UNC5C: variants seen among roughly 807,000 people sequenced by gnomAD.
UNC5C encodes unc-5 netrin receptor C.
Under a neutral mutation model 99.8 loss-of-function variants are expected in UNC5C, and 47 were observed. The observed-to-expected ratio is 0.47, with a 90% CI of 0.37 to 0.60. UNC5C has a LOEUF of 0.60. UNC5C is among the 20% of genes least tolerant of loss of function. UNC5C has a pLI of 0.00. For missense variants in UNC5C, 1,062 were observed against 1,165.9 expected, an observed-to-expected ratio of 0.91 and a Z score of 1.30; for synonymous variants, 487 against 452.2, an observed-to-expected ratio of 1.08 and a Z score of -0.98.
intron 10 of UNC5C, 159 bp downstream of exon 10, chr4:95,215,965 A>G (rs1738233987): frequency 1.9e-6 from 1 of 526,390 alleles, no homozygotes. Context: ...AAAGACAAAG[A>G]GAAGTAAAAC....
chr4:95,301,864 C>T, intron 2 of UNC5C, 115 bp from the exon 3 acceptor site: 1 of 1,288,716 alleles, frequency 7.8e-7, no homozygotes, highest in Non-Finnish European at 1.1e-6. Context: ...GATCAACAAC[C>T]CAGATATTGT....
chr4:95,215,059 A>C (rs1233983477), intron 10 of UNC5C, among the ~76,000 whole-genome samples: 1 of 152,216 alleles, frequency 6.6e-6, no homozygotes, highest in East Asian at 1.9e-4. Context: ...CGAGGAAAAA[A>C]ATGTTCTGGG....
intron 1 of UNC5C, among the ~76,000 whole-genome samples, chr4:95,345,247 G>A (rs1170765688): frequency 6.6e-6 from 1 of 151,878 alleles, no homozygotes; most frequent in African/African-American, 2.4e-5. Context: ...TATATAAAGA[G>A]AGAGAGAAAG....
At chr4:95,541,593 A>G (rs903233561) in intron 1 of UNC5C, among the ~76,000 whole-genome samples, 16 of 152,158 alleles carry the variant, frequency 1.1e-4, no homozygotes, top group Non-Finnish European at 1.5e-4. Context: ...GATCACTTTT[A>G]TCTACAAATG....
chr4:95,316,761 C>T (rs1328691296), intron 2 of UNC5C, among the ~76,000 whole-genome samples: 1 of 151,920 alleles, frequency 6.6e-6, no homozygotes, highest in East Asian at 1.9e-4. Flanking sequence ...ATTTTTGTCC[C>T]CTGTACATAT....
intron 1 of UNC5C, among the ~76,000 whole-genome samples, chr4:95,421,066 C>A (rs1382036710): frequency 2.0e-5 from 3 of 152,094 alleles, no homozygotes; most frequent in African/African-American, 7.2e-5. Context: ...GCAAATAGGA[C>A]CAAGACTTCT....
chr4:95,379,736 G>A (rs1579370740), intron 1 of UNC5C, among the ~76,000 whole-genome samples: 1 of 152,166 alleles, frequency 6.6e-6, no homozygotes, highest in South Asian at 2.1e-4. Flanking sequence ...AGTTTCACAT[G>A]GTGGTAGATC....
chr4:95,401,250 G>A (rs1745687843), intron 1 of UNC5C, among the ~76,000 whole-genome samples: 1 of 152,110 alleles, frequency 6.6e-6, no homozygotes, highest in Admixed American at 6.6e-5. Context: ...TTAAAGCTGT[G>A]AGCAAAACAT....
chr4:95,454,387 T>C (rs542808244), intron 1 of UNC5C, among the ~76,000 whole-genome samples: 1 of 152,214 alleles, frequency 6.6e-6, no homozygotes, highest in South Asian at 2.1e-4. Flanking sequence ...TTGATTTAAC[T>C]AGATACCTAG....
intron 1 of UNC5C, among the ~76,000 whole-genome samples, chr4:95,539,485 A>C (rs1177116424): frequency 6.6e-6 from 1 of 152,250 alleles, no homozygotes; most frequent in Non-Finnish European, 1.5e-5. Flanking sequence ...TTCAGAAATC[A>C]GTGATTAAAT....
intron 7 of UNC5C, among the ~76,000 whole-genome samples, 198 bp from the exon 8 acceptor site, chr4:95,220,374 T>A (rs1420854188): frequency 6.6e-6 from 1 of 152,198 alleles, no homozygotes; most frequent in Non-Finnish European, 1.5e-5. Flanking sequence ...TCACTCTGCA[T>A]CTATCCACCC....
Position 95,501,442 on chromosome 4 carries a change from C to T in UNC5C, c.124+47292G>A, listed in dbSNP as rs544131444. ...TGCTTTTTAAGGAGGCTAACAATGT[C>T]CATTTGCAACATATTTTTTGTTACT... On this transcript the variant is annotated intron_variant, in intron 1 of 15. Transcript: ENST00000453304. 3.9e-5 allele frequency among the ~76,000 whole-genome samples: 6 copies of T among 152,140 alleles called. No individual in the cohort carries two copies. In the East Asian group the frequency reaches 1.2e-3, roughly 29 times the overall value.
intron 12 of UNC5C, among the ~76,000 whole-genome samples, chr4:95,199,209 G>T (rs1441572596): frequency 6.6e-6 from 1 of 152,144 alleles, no homozygotes. Flanking sequence ...GAGAGAGTAT[G>T]TTGGGAACAT....
At chr4:95,495,929 A>C (rs1321991648) in intron 1 of UNC5C, among the ~76,000 whole-genome samples, 1 of 151,856 alleles carries the variant, frequency 6.6e-6, no homozygotes. Flanking sequence ...ATGGAGAAAT[A>C]GAAATTATTC....
At chr4:95,405,079 T>C (rs1034260222) in intron 1 of UNC5C, among the ~76,000 whole-genome samples, 3 of 152,180 alleles carry the variant, frequency 2.0e-5, no homozygotes, top group African/African-American at 7.2e-5. Context: ...ACCCGAATCT[T>C]CCGGGATGCT....
At chr4:95,419,750 T>G (rs1283702163) in intron 1 of UNC5C, among the ~76,000 whole-genome samples, 1 of 152,154 alleles carries the variant, frequency 6.6e-6, no homozygotes, top group Non-Finnish European at 1.5e-5. Flanking sequence ...AATCCATTTA[T>G]AGACTGATGC....
intron 1 of UNC5C, among the ~76,000 whole-genome samples, chr4:95,467,351 A>G (rs745357882): frequency 3.9e-5 from 6 of 152,206 alleles, no homozygotes; most frequent in Non-Finnish European, 7.3e-5. Context: ...CAGGAAATGC[A>G]ATCAGTGTGT....
chr4:95,176,759 G>T (rs893700654), intron 14 of UNC5C, among the ~76,000 whole-genome samples: 6 of 152,148 alleles, frequency 3.9e-5, no homozygotes, highest in Non-Finnish European at 8.8e-5. Flanking sequence ...TTGAGCTGTG[G>T]TGGGCTCCAC....
chr4:95,337,735 A>G (rs111322673), intron 1 of UNC5C, among the ~76,000 whole-genome samples: 5,844 of 152,120 alleles, frequency 0.038, 154 homozygotes, highest in Non-Finnish European at 0.056. Flanking sequence ...TCACACAGTT[A>G]TTGATTTTTC....
Sources: allele counts gnomAD v4.1 joint callset (sites outside exome capture counted in the v4.1 genomes callset), GRCh38; gene constraint gnomAD v4.1.1; transcripts MANE v1.5; gene names NCBI Gene and HGNC (gene_info 2026-07-23, HGNC 2026-07-21).